The following DNAJC1 variants were observed in gnomAD, a reference collection of about 807,000 sequenced individuals.
DNAJC1 encodes the protein dnaJ homolog subfamily C member 1.
Under a neutral mutation model 76.6 loss-of-function variants are expected in DNAJC1, and 58 were observed. The ratio of observed to expected loss-of-function variants is 0.76; its 90% CI spans 0.61 to 0.94. The LOEUF is 0.94. Ranked by LOEUF, DNAJC1 falls within the 40% of genes least tolerant of loss-of-function variation. DNAJC1 has a pLI of 0.00. For synonymous variants in DNAJC1, 258 were observed against 267.9 expected (o/e 0.96, Z 0.36); for missense variants, 689 against 677.3 (o/e 1.02, Z -0.19).
chr10:21,961,435 C>G (rs1837788821), intron 1 of DNAJC1, among the ~76,000 whole-genome samples: 1 of 152,074 alleles, frequency 6.6e-6, no homozygotes, highest in African/African-American at 2.4e-5. Flanking sequence ...CAAAGATGAA[C>G]CTTGAAAACA....
chr10:21,948,738 A>G (rs1837547303), intron 1 of DNAJC1, among the ~76,000 whole-genome samples: 1 of 152,210 alleles, frequency 6.6e-6, no homozygotes, highest in South Asian at 2.1e-4. Flanking sequence ...AGTTTCAGCC[A>G]TCCATTGGGA....
At chr10:21,799,232 T>C (rs1190358512) in intron 9 of DNAJC1, among the ~76,000 whole-genome samples, 2 of 152,190 alleles carry the variant, frequency 1.3e-5, no homozygotes, top group African/African-American at 4.8e-5. Context: ...ATTTAAACTA[T>C]GTCTTTTTAC....
At chr10:21,878,958 A>C (rs1014081254) in intron 8 of DNAJC1, among the ~76,000 whole-genome samples, 5 of 152,254 alleles carry the variant, frequency 3.3e-5, no homozygotes, top group Admixed American at 3.3e-4. Context: ...AATGAAAATT[A>C]CTGCTATATG....
rs181360321 is a variant in DNAJC1 at position 21,835,105 on chromosome 10, G to A, written c.979-29006C>T. On this transcript the variant is annotated intron_variant, in intron 8 of 11. Transcript: ENST00000376980. ...TAGGGGCGGAATGACACCTCACACA[G>A]CCGGGTACTCCTCTGAGACAAAACT... Among the ~76,000 whole-genome samples, 127 of 152,236 alleles carry A rather than the reference G, an allele frequency of 8.3e-4. No individual in the cohort carries two copies. The Middle Eastern group carries it at 0.014, about 16-fold the overall frequency.
intron 11 of DNAJC1, 148 bp downstream of exon 11, chr10:21,759,022 A>C: frequency 1.2e-6 from 1 of 837,534 alleles, no homozygotes; most frequent in South Asian, 1.7e-5. Flanking sequence ...CTCTAGGGAG[A>C]AATATACTGG....
At chr10:21,795,519 A>G (rs1440967006) in intron 9 of DNAJC1, among the ~76,000 whole-genome samples, 2 of 152,224 alleles carry the variant, frequency 1.3e-5, no homozygotes, top group Non-Finnish European at 2.9e-5. Context: ...TCCTGAAAAG[A>G]AAATAGATCA....
intron 8 of DNAJC1, among the ~76,000 whole-genome samples, chr10:21,859,593 T>G (rs1358144830): frequency 6.6e-6 from 1 of 152,106 alleles, no homozygotes; most frequent in Non-Finnish European, 1.5e-5. Flanking sequence ...AGGGGTTACA[T>G]AGACATAGGG....
intron 7 of DNAJC1, 152 bp from the exon 8 acceptor site, chr10:21,882,591 C>G: frequency 1.8e-6 from 1 of 548,622 alleles, no homozygotes; most frequent in Middle Eastern, 5.0e-4. Context: ...TGTACATAAA[C>G]CATTGCATTG....
chr10:21,828,125 A>C (rs1009694709), intron 8 of DNAJC1, among the ~76,000 whole-genome samples: 4 of 152,230 alleles, frequency 2.6e-5, no homozygotes, highest in African/African-American at 9.6e-5. Flanking sequence ...CCAGATGTAT[A>C]CTTTGTTATT....
chr10:21,756,716 C>G lies in DNAJC1; in HGVS notation c.1636G>C (p.Val546Leu). The G allele has an allele frequency of 6.2e-7, 1 of 1,613,732 alleles. No individual in the cohort carries two copies. The highest frequency in any genetic ancestry group is 8.5e-7 in the Non-Finnish European group (1 of 1,179,898). The stretch of plus-strand genomic sequence containing the variant: ...CTTTTAGCTTGTTTTTTCTTTTGGA[C>G]CAGTTCAACCAGCAACTTGTACCTA... The part of the protein sequence containing the change: ...IARYKLLVEL[V>L]QKKKQAKS The change falls in exon 12 of 12, where the codon GTC becomes CTC. Residue 546 changes from valine to leucine, a missense_variant. By Grantham distance (32) the Val-to-Leu change is conservative (BLOSUM62 1). Coordinates refer to ENST00000376980, the MANE Select transcript of DNAJC1 (RefSeq NM_022365.4).
chr10:21,791,182 T>C (rs1834681919), intron 9 of DNAJC1, among the ~76,000 whole-genome samples: 1 of 152,170 alleles, frequency 6.6e-6, no homozygotes, highest in Non-Finnish European at 1.5e-5. Context: ...GATGTGAATA[T>C]ATATGCACAG....
chr10:21,910,895 A>G (rs972148418), intron 6 of DNAJC1, among the ~76,000 whole-genome samples: 5 of 143,690 alleles, frequency 3.5e-5, no homozygotes, highest in African/African-American at 1.3e-4. Context: ...GAAGGAAAGG[A>G]AGGAAAGAAA....
intron 8 of DNAJC1, among the ~76,000 whole-genome samples, chr10:21,841,087 T>C (rs1835567283): frequency 6.6e-6 from 1 of 152,330 alleles, no homozygotes; most frequent in Middle Eastern, 3.4e-3. Flanking sequence ...CCTTACACCT[T>C]ATACAAACAT....
chr10:21,962,674 G>A (rs911616489), intron 1 of DNAJC1, among the ~76,000 whole-genome samples: 2 of 144,414 alleles, frequency 1.4e-5, no homozygotes, highest in Non-Finnish European at 3.0e-5. Context: ...TGTAGAGACA[G>A]GTTATTGCCG....
chr10:21,897,910 T>G (rs1238900268), intron 7 of DNAJC1, among the ~76,000 whole-genome samples: 1 of 152,196 alleles, frequency 6.6e-6, no homozygotes, highest in Admixed American at 6.5e-5. Flanking sequence ...ATGCATAGAT[T>G]GTAAAGGAAG....
At chr10:21,835,977 A>G (rs147259536) in intron 8 of DNAJC1, among the ~76,000 whole-genome samples, 5,401 of 152,206 alleles carry the variant, frequency 0.035, 168 homozygotes, top group African/African-American at 0.07. Flanking sequence ...TACAGAGAAC[A>G]CCACAAAGAT....
chr10:21,904,656 T>C (rs760130454), intron 6 of DNAJC1, 44 bp from the exon 7 acceptor site: 4 of 1,216,648 alleles, frequency 3.3e-6, no homozygotes, highest in Non-Finnish European at 4.7e-6. Context: ...AAAATCAGTG[T>C]GCTTCAATAA....
At chr10:21,887,507 C>A (rs1224161877) in intron 7 of DNAJC1, among the ~76,000 whole-genome samples, 1 of 152,032 alleles carries the variant, frequency 6.6e-6, no homozygotes, top group African/African-American at 2.4e-5. Context: ...GCTACATAAC[C>A]AAAACAGCAT....
rs914349142 is a variant in DNAJC1 at position 21,894,302 on chromosome 10, G to A, written c.820+10220C>T. ...ATAGAAGAGGAAGGCTGGGCACGAC[G>A]GCTCACGTCTGTAATCCCAACACTT... is the stretch of plus-strand genomic sequence containing the variant. On this transcript the variant is annotated intron_variant, in intron 7 of 11. Coordinates refer to ENST00000376980, the MANE Select transcript of DNAJC1 (RefSeq NM_022365.4). Among the ~76,000 whole-genome samples, 4 of 152,282 alleles carry A rather than the reference G, an allele frequency of 2.6e-5. 1 individual carries two copies. Among genetic ancestry groups the A allele is most frequent in the East Asian group, 3.9e-4 (2 of 5,180 alleles).
Sources: allele counts gnomAD v4.1 joint callset (sites outside exome capture counted in the v4.1 genomes callset), GRCh38; gene constraint gnomAD v4.1.1; transcripts MANE v1.5; gene names NCBI Gene and HGNC (gene_info 2026-07-23, HGNC 2026-07-21).